PDE10A: variants seen among roughly 807,000 people sequenced by gnomAD.
PDE10A encodes the protein phosphodiesterase 10A.
Under a neutral mutation model 97.7 loss-of-function variants are expected in PDE10A, and 39 were observed. The observed-to-expected ratio is 0.40, with a 90% CI of 0.31 to 0.52. PDE10A has a LOEUF of 0.52. Ranked by LOEUF, PDE10A falls within the 20% of genes least tolerant of loss-of-function variation. The probability of loss-of-function intolerance (pLI) is 0.56; values close to 1 mark genes in which losing one functional copy is unlikely to be tolerated. For missense variants in PDE10A, 731 were observed against 1,047.8 expected, an observed-to-expected ratio of 0.70 and a Z score of 4.17; for synonymous variants, 371 against 376.8, an observed-to-expected ratio of 0.98 and a Z score of 0.18.
intron 2 of PDE10A, among the ~76,000 whole-genome samples, chr6:165,524,187 T>C (rs1430917122): frequency 6.6e-6 from 1 of 152,178 alleles, no homozygotes; most frequent in East Asian, 1.9e-4. Flanking sequence ...TAATACTTAA[T>C]AAACTCCTCA....
At chr6:165,548,811 C>T (rs1047014597) in intron 1 of PDE10A, among the ~76,000 whole-genome samples, 1 of 152,170 alleles carries the variant, frequency 6.6e-6, no homozygotes, top group African/African-American at 2.4e-5. Flanking sequence ...TCATGTAGAT[C>T]AAACAAGACA....
Position 165,331,190 on chromosome 6 carries a change from G to A in PDE10A, c.*1835C>T, listed in dbSNP as rs1408113354. Reference sequence around the variant, plus strand: ...GTGTGTATCCTATATACATCTATGTGTGTGTTCTACATATATTACATCCAT... The same window carrying A: ...GTGTGTATCCTATATACATCTATGTATGTGTTCTACATATATTACATCCAT... On this transcript the variant is annotated 3_prime_UTR_variant, in exon 22 of 22. Coordinates refer to ENST00000539869, the MANE Select transcript of PDE10A (RefSeq NM_001385079.1). 6.6e-6 allele frequency: 1 copy of A among 151,924 alleles called. No homozygotes were observed. Among genetic ancestry groups the A allele is most frequent in the African/African-American group, 2.4e-5 (1 of 41,348 alleles). 9.4% of individuals were successfully genotyped at this position (151,924 alleles called of 1,614,324 possible). A position where few individuals can be genotyped will look rare whatever the true frequency, so the allele number is the denominator to read the frequency against.
intron 18 of PDE10A, among the ~76,000 whole-genome samples, chr6:165,354,559 T>C (rs929934512): frequency 6.6e-6 from 1 of 152,214 alleles, no homozygotes; most frequent in Admixed American, 6.5e-5. Flanking sequence ...TCAACTGAGT[T>C]ACTGAATTCC....
chr6:165,987,569 A>G, exon 1 of PDE10A: 1 of 394,706 alleles, frequency 2.5e-6, no homozygotes, highest in Non-Finnish European at 5.0e-6. Context: ...TTTCCGCTTC[A>G]TTTCGAGTTC....
intron 1 of PDE10A, among the ~76,000 whole-genome samples, chr6:165,621,383 T>A (rs914908314): frequency 7.2e-5 from 11 of 152,148 alleles, no homozygotes; most frequent in African/African-American, 2.4e-4. Context: ...TCAAACCTAT[T>A]CTTTCTGGAA....
At chr6:165,920,904 C>A (rs1782735325) in intron 1 of PDE10A, among the ~76,000 whole-genome samples, 1 of 152,182 alleles carries the variant, frequency 6.6e-6, no homozygotes, top group African/African-American at 2.4e-5. Flanking sequence ...ATTCTTATGA[C>A]ACAAATAGCA....
chr6:165,417,948 G>A (rs548867624), intron 11 of PDE10A, among the ~76,000 whole-genome samples: 2 of 152,316 alleles, frequency 1.3e-5, no homozygotes, highest in South Asian at 4.1e-4. Context: ...AAATGCAAAT[G>A]TCTAAAATTA....
chr6:165,374,215 A>C lies in PDE10A; in HGVS notation c.2783+4979T>G, dbSNP rs181893445. Reference sequence around the variant, plus strand: ...CTGCACATTGTGCACATGTACCCTAAAACTTGAAGTATGATAATAATAATA... The same window carrying C: ...CTGCACATTGTGCACATGTACCCTACAACTTGAAGTATGATAATAATAATA... On this transcript the variant is annotated intron_variant, in intron 18 of 21. Coordinates refer to ENST00000539869, the MANE Select transcript of PDE10A (RefSeq NM_001385079.1). Among the ~76,000 whole-genome samples the C allele has an allele frequency of 1.1e-3, 167 of 151,622 alleles. 1 individual carries two copies. Among genetic ancestry groups the C allele is most frequent in the African/African-American group, 3.6e-3 (150 of 41,332 alleles).
intron 1 of PDE10A, among the ~76,000 whole-genome samples, chr6:165,922,162 A>G (rs984037746): frequency 1.3e-5 from 2 of 152,228 alleles, no homozygotes; most frequent in Non-Finnish European, 2.9e-5. Context: ...AACAGAAAGC[A>G]TGGGATCTCC....
intron 18 of PDE10A, among the ~76,000 whole-genome samples, chr6:165,373,255 T>C (rs1048530648): frequency 1.3e-4 from 19 of 151,674 alleles, no homozygotes; most frequent in African/African-American, 4.6e-4. Flanking sequence ...AAAGAGCTTC[T>C]GCACAGCAAA....
chr6:165,578,781 T>G (rs1025055123), intron 1 of PDE10A, among the ~76,000 whole-genome samples: 3 of 152,198 alleles, frequency 2.0e-5, no homozygotes, highest in Non-Finnish European at 4.4e-5. Flanking sequence ...CAATCATGCA[T>G]CTATTGCGCC....
chr6:165,557,610 C>T (rs75022869), intron 1 of PDE10A, among the ~76,000 whole-genome samples: 15,004 of 151,958 alleles, frequency 0.099, 1,409 homozygotes, highest in East Asian at 0.33. Flanking sequence ...AGGTTTTCTA[C>T]ATAAATAAGC....
At chr6:165,752,155 G>T (rs4709980) in intron 1 of PDE10A, among the ~76,000 whole-genome samples, 24,064 of 142,160 alleles carry the variant, frequency 0.17, 2,329 homozygotes, top group East Asian at 0.33. Context: ...AAAAAAAAAA[G>T]TGGGTAAAAG....
chr6:165,555,795 G>A (rs1378017864), intron 1 of PDE10A, among the ~76,000 whole-genome samples: 1 of 152,078 alleles, frequency 6.6e-6, no homozygotes, highest in African/African-American at 2.4e-5. Flanking sequence ...GAGCTTCCAG[G>A]CAGAACCCAC....
At chr6:165,951,560 G>A (rs1783963411) in intron 1 of PDE10A, among the ~76,000 whole-genome samples, 1 of 152,040 alleles carries the variant, frequency 6.6e-6, no homozygotes, top group South Asian at 2.1e-4. Flanking sequence ...CACCACTCAC[G>A]ACGTAGGGTG....
intron 3 of PDE10A, among the ~76,000 whole-genome samples, chr6:165,455,168 G>C (rs1777878747): frequency 1.3e-5 from 2 of 152,058 alleles, no homozygotes; most frequent in Non-Finnish European, 2.9e-5. Context: ...TCTTGAGACA[G>C]GGTCTAGCTC....
intron 1 of PDE10A, among the ~76,000 whole-genome samples, chr6:165,570,279 T>C (rs1056433128): frequency 6.6e-6 from 1 of 152,112 alleles, no homozygotes; most frequent in African/African-American, 2.4e-5. Context: ...TCAAAAATAA[T>C]AAGCATACAA....
chr6:165,580,659 A>T (rs1158675587), intron 1 of PDE10A, among the ~76,000 whole-genome samples: 1 of 152,242 alleles, frequency 6.6e-6, no homozygotes, highest in African/African-American at 2.4e-5. Flanking sequence ...GTGAATGAGA[A>T]TAAAGATAAG....
intron 1 of PDE10A, among the ~76,000 whole-genome samples, chr6:165,898,981 C>A (rs148661286): frequency 6.6e-6 from 1 of 152,160 alleles, no homozygotes; most frequent in Non-Finnish European, 1.5e-5. Context: ...CTTCGGGGAC[C>A]CCATCAAGGC....
Sources: gnomAD v4.1 joint callset for allele counts (sites outside exome capture counted in the v4.1 genomes callset) on GRCh38, gnomAD v4.1.1 for gene constraint, MANE v1.5 for transcripts, NCBI Gene and HGNC (gene_info 2026-07-23, HGNC 2026-07-21) for gene names.